The following SYNPO2 variants were observed in gnomAD, a reference collection of about 807,000 sequenced individuals.
The protein encoded by SYNPO2 is synaptopodin 2.
A neutral mutation model predicts 85.0 loss-of-function variants in SYNPO2; 56 were observed. The ratio of observed to expected loss-of-function variants is 0.66; its 90% CI spans 0.53 to 0.82. The LOEUF is 0.82. Ranked by LOEUF, SYNPO2 falls within the 40% of genes least tolerant of loss-of-function variation. The probability of loss-of-function intolerance (pLI) is 0.00; values close to 1 mark genes in which losing one functional copy is unlikely to be tolerated. For synonymous variants in SYNPO2, 602 were observed against 591.1 expected (o/e 1.02, Z -0.27); for missense variants, 1,575 against 1,534.2 (o/e 1.03, Z -0.44).
intron 1 of SYNPO2, among the ~76,000 whole-genome samples, chr4:118,867,924 T>C (rs1368103254): frequency 6.6e-6 from 1 of 152,068 alleles, no homozygotes; most frequent in Non-Finnish European, 1.5e-5. Context: ...CATTATCTGA[T>C]TGTGTTTTTG....
Position 119,026,739 on chromosome 4 carries a change from A to G in SYNPO2, c.370A>G (p.Thr124Ala), listed in dbSNP as rs1737963655. 6.2e-7 allele frequency: 1 copy of G among 1,614,184 alleles called. No homozygotes were observed. The highest frequency in any genetic ancestry group is 8.5e-7 in the Non-Finnish European group (1 of 1,180,034). ...ESTTLQIRPATKTQCTEFFLA... is the reference protein window; with the variant it reads ...ESTTLQIRPAAKTQCTEFFLA... Reference sequence around the variant, plus strand: ...TACCACCCTGCAGATTCGACCGGCCACAAAGACCCAGTGCACAGAATTCTT... The same window carrying G: ...TACCACCCTGCAGATTCGACCGGCCGCAAAGACCCAGTGCACAGAATTCTT... The change falls in exon 3 of 5, where the codon ACA becomes GCA. Residue 124 changes from threonine to alanine, a missense_variant. This residue lies in a region of SYNPO2 where 1,508 missense variants were observed against 1,446.8 expected (regional missense o/e 1.04). Coordinates refer to ENST00000307142, the MANE Select transcript of SYNPO2 (RefSeq NM_133477.3).
chr4:119,040,719 A>G (rs928179464), intron 4 of SYNPO2, among the ~76,000 whole-genome samples: 2 of 152,196 alleles, frequency 1.3e-5, no homozygotes, highest in African/African-American at 4.8e-5. Flanking sequence ...GTAACCTGGT[A>G]GCATAGTTGA....
At chr4:119,008,508 T>C (rs1737166448) in intron 1 of SYNPO2, among the ~76,000 whole-genome samples, 1 of 151,950 alleles carries the variant, frequency 6.6e-6, no homozygotes, top group Non-Finnish European at 1.5e-5. Flanking sequence ...GATTAAATAG[T>C]AACAGAAATT....
intron 1 of SYNPO2, among the ~76,000 whole-genome samples, chr4:118,957,615 T>A (rs1298137015): frequency 6.6e-6 from 1 of 152,212 alleles, no homozygotes; most frequent in African/African-American, 2.4e-5. Context: ...TTTTAGGAGT[T>A]GAAAGAATGT....
At chr4:118,900,175 A>C (rs1465787288) in intron 1 of SYNPO2, among the ~76,000 whole-genome samples, 1 of 152,232 alleles carries the variant, frequency 6.6e-6, no homozygotes, top group Non-Finnish European at 1.5e-5. Flanking sequence ...TCCAGCCCCA[A>C]ATCACTTGAC....
intron 1 of SYNPO2, among the ~76,000 whole-genome samples, chr4:118,926,041 A>G (rs1262443315): frequency 1.3e-5 from 2 of 152,210 alleles, no homozygotes; most frequent in Non-Finnish European, 2.9e-5. Flanking sequence ...ATTATCCACC[A>G]GGCAGATGAG....
chr4:118,904,366 G>A (rs1732861700), intron 1 of SYNPO2, among the ~76,000 whole-genome samples: 2 of 152,184 alleles, frequency 1.3e-5, no homozygotes, highest in African/African-American at 4.8e-5. Context: ...AAGGGCTCCT[G>A]TAGTCCTTGG....
intron 1 of SYNPO2, among the ~76,000 whole-genome samples, chr4:118,857,703 G>A (rs1489256815): frequency 6.6e-6 from 1 of 152,144 alleles, no homozygotes; most frequent in African/African-American, 2.4e-5. Context: ...GTTTAAGTTT[G>A]TACTTAATTT....
chr4:119,021,629 C>A (rs918956081), intron 1 of SYNPO2, among the ~76,000 whole-genome samples: 9 of 152,138 alleles, frequency 5.9e-5, no homozygotes, highest in African/African-American at 2.2e-4. Flanking sequence ...AAATAGGTGG[C>A]ATGCTCAAAG....
intron 1 of SYNPO2, among the ~76,000 whole-genome samples, chr4:118,875,556 A>G (rs1014121742): frequency 6.6e-6 from 1 of 152,226 alleles, no homozygotes; most frequent in Admixed American, 6.5e-5. Flanking sequence ...ATAAAAATGT[A>G]TCATGTGATT....
At chr4:119,035,869 G>A (rs1039815766) in intron 4 of SYNPO2, 54 of 983,506 alleles carry the variant, frequency 5.5e-5, no homozygotes, top group Middle Eastern at 5.2e-4. Flanking sequence ...GTAGACTAAC[G>A]TATGTGAGAC....
At chr4:119,010,153 G>T (rs1737236381) in intron 1 of SYNPO2, among the ~76,000 whole-genome samples, 1 of 152,198 alleles carries the variant, frequency 6.6e-6, no homozygotes, top group South Asian at 2.1e-4. Flanking sequence ...TTTACTATGT[G>T]TTAGGCTCTA....
chr4:118,882,792 C>T (rs1279504128), intron 1 of SYNPO2, among the ~76,000 whole-genome samples: 1 of 149,076 alleles, frequency 6.7e-6, no homozygotes, highest in African/African-American at 2.5e-5. Context: ...TTTTTTGAGA[C>T]GGAGTCTCGC....
intron 4 of SYNPO2, chr4:119,037,626 T>C: frequency 1.0e-6 from 1 of 986,626 alleles, no homozygotes; most frequent in Non-Finnish European, 1.2e-6. Flanking sequence ...AATAATCTCA[T>C]GGGTCCTGAG....
chr4:118,991,340 G>A (rs1242085165), intron 1 of SYNPO2, among the ~76,000 whole-genome samples: 2 of 151,834 alleles, frequency 1.3e-5, no homozygotes, highest in African/African-American at 4.8e-5. Flanking sequence ...TAGAGACAGG[G>A]TTTCGCCATG....
intron 1 of SYNPO2, among the ~76,000 whole-genome samples, chr4:118,903,248 A>G (rs1158462164): frequency 1.3e-5 from 2 of 152,202 alleles, no homozygotes; most frequent in Non-Finnish European, 2.9e-5. Context: ...ATTATATGGA[A>G]ATTCACTTAA....
chr4:118,900,703 C>CTCTATATATATATATATA (rs1277981772), intron 1 of SYNPO2, among the ~76,000 whole-genome samples: 15 of 43,894 alleles, frequency 3.4e-4, no homozygotes, highest in Middle Eastern at 0.014. Flanking sequence ...CTCTCTCTCT[C>CTCTATATATATATATATA]TATATATATA....
chr4:118,877,236 T>C (rs1399700697), intron 1 of SYNPO2, among the ~76,000 whole-genome samples: 1 of 152,130 alleles, frequency 6.6e-6, no homozygotes, highest in Non-Finnish European at 1.5e-5. Context: ...GGATTAAATA[T>C]CAAACCTGAA....
At chr4:118,972,921 G>A (rs755811760) in intron 1 of SYNPO2, among the ~76,000 whole-genome samples, 38 of 152,094 alleles carry the variant, frequency 2.5e-4, no homozygotes, top group Non-Finnish European at 5.3e-4. Context: ...GGCTATCCCC[G>A]CTTGCTCACC....
Sources: allele counts gnomAD v4.1 joint callset (sites outside exome capture counted in the v4.1 genomes callset), GRCh38; gene constraint gnomAD v4.1.1; regional missense constraint gnomAD v4.1.1; transcripts MANE v1.5; gene names NCBI Gene and HGNC (gene_info 2026-07-23, HGNC 2026-07-21).